Variants in NR2C2 observed in about 807,000 individuals in gnomAD.
The protein encoded by NR2C2 is Nuclear hormone receptor TR4.
NR2C2 carries 6 observed loss-of-function variants against 62.9 expected under a neutral mutation model. That is an observed-to-expected ratio of 0.10 (90% CI 0.05 to 0.19). The LOEUF (loss-of-function observed/expected upper bound fraction) is 0.19. Ranked by LOEUF, NR2C2 falls within the 10% of genes least tolerant of loss-of-function variation. The pLI is 1.00. For missense variants in NR2C2, 479 were observed against 762.7 expected, an observed-to-expected ratio of 0.63 and a Z score of 4.38; for synonymous variants, 272 against 273.8, an observed-to-expected ratio of 0.99 and a Z score of 0.07.
intron 1 of NR2C2, among the ~76,000 whole-genome samples, chr3:15,000,439 A>G (rs987732618): frequency 6.6e-6 from 1 of 152,190 alleles, no homozygotes; most frequent in African/African-American, 2.4e-5. Context: ...TTGGTTGATT[A>G]TGTAACTTGG....
intron 8 of NR2C2, 124 bp from the exon 9 acceptor site, chr3:15,030,151 C>G (rs1480319197): frequency 2.4e-6 from 2 of 834,122 alleles, no homozygotes; most frequent in African/African-American, 3.5e-5. Flanking sequence ...ATAGTGAAAC[C>G]CCATCTCTAC....
At chr3:15,034,328 C>T (rs950285346) in intron 10 of NR2C2, 1 of 182,554 alleles carries the variant, frequency 5.5e-6, no homozygotes, top group Non-Finnish European at 1.1e-5. Context: ...GGCTGCAGGA[C>T]CTAAGTAACT....
intron 4 of NR2C2, 63 bp from the exon 5 acceptor site, chr3:15,020,690 A>G (rs900979205): frequency 1.7e-5 from 26 of 1,565,900 alleles, no homozygotes; most frequent in Non-Finnish European, 2.1e-5. Context: ...CTGACAGATC[A>G]CCTCTTTGGT....
chr3:15,013,891 G>C (rs761228439), intron 3 of NR2C2, 102 bp downstream of exon 3: 32 of 1,241,716 alleles, frequency 2.6e-5, no homozygotes, highest in Middle Eastern at 1.9e-4. Context: ...TCCCTGGAAG[G>C]TTCCTTGGGG....
chr3:14,974,441 C>T (rs959327096), intron 1 of NR2C2, among the ~76,000 whole-genome samples: 2 of 152,120 alleles, frequency 1.3e-5, no homozygotes, highest in Non-Finnish European at 2.9e-5. Flanking sequence ...GGGGTTTTGA[C>T]AGGGATTACA....
intron 1 of NR2C2, among the ~76,000 whole-genome samples, chr3:14,957,849 C>T (rs1013088551): frequency 1.3e-5 from 2 of 151,942 alleles, no homozygotes; most frequent in Non-Finnish European, 2.9e-5. Context: ...ATTTTTCTGC[C>T]AAACTCCTGA....
chr3:14,988,864 A>T (rs2040584003), intron 1 of NR2C2, among the ~76,000 whole-genome samples: 1 of 152,162 alleles, frequency 6.6e-6, no homozygotes, highest in African/African-American at 2.4e-5. Flanking sequence ...ATGTTAGTGC[A>T]CATGCAAACT....
chr3:14,952,099 A>G (rs1426603791), intron 1 of NR2C2, among the ~76,000 whole-genome samples: 2 of 152,250 alleles, frequency 1.3e-5, no homozygotes, highest in Non-Finnish European at 2.9e-5. Context: ...AGGGCAGTGC[A>G]GTGACAGAGC....
chr3:14,981,552 G>A (rs1313806911), intron 1 of NR2C2, among the ~76,000 whole-genome samples: 2 of 145,474 alleles, frequency 1.4e-5, no homozygotes, highest in Non-Finnish European at 3.0e-5. Context: ...GCAGTTAGCC[G>A]AGATCCCGCC....
At chr3:14,961,427 C>T (rs1036053109) in intron 1 of NR2C2, among the ~76,000 whole-genome samples, 56 of 152,146 alleles carry the variant, frequency 3.7e-4, no homozygotes, top group Non-Finnish European at 2.9e-5. Context: ...TTCTATATTG[C>T]ACACTCAATA....
At chr3:14,951,665 G>A (rs1489549500) in intron 1 of NR2C2, among the ~76,000 whole-genome samples, 1 of 151,964 alleles carries the variant, frequency 6.6e-6, no homozygotes, top group Non-Finnish European at 1.5e-5. Flanking sequence ...TGACTTTTAA[G>A]TTTTGTTTCG....
chr3:14,949,828 A>G (rs903791537), intron 1 of NR2C2, among the ~76,000 whole-genome samples: 1 of 152,170 alleles, frequency 6.6e-6, no homozygotes, highest in Non-Finnish European at 1.5e-5. Context: ...GTTGAATATA[A>G]TTCTCTGTGT....
chr3:15,014,870 A>G (rs1040392135), intron 3 of NR2C2, among the ~76,000 whole-genome samples: 1 of 152,188 alleles, frequency 6.6e-6, no homozygotes, highest in South Asian at 2.1e-4. Flanking sequence ...GTTGGTGGAC[A>G]TGTAGGTTGC....
At chr3:15,004,917 C>T (rs1285851715) in intron 2 of NR2C2, among the ~76,000 whole-genome samples, 1 of 151,996 alleles carries the variant, frequency 6.6e-6, no homozygotes, top group Admixed American at 6.6e-5. Flanking sequence ...TGCTTGCTTT[C>T]TTTTTATTTA....
intron 3 of NR2C2, 131 bp from the exon 4 acceptor site, chr3:15,016,021 C>T (rs981258232): frequency 1.5e-5 from 10 of 645,294 alleles, no homozygotes; most frequent in Non-Finnish European, 2.2e-5. Flanking sequence ...AGGCTGGTCT[C>T]GAACTCCCGA....
intron 1 of NR2C2, among the ~76,000 whole-genome samples, chr3:15,001,780 C>G (rs750343218): frequency 6.6e-6 from 1 of 152,092 alleles, no homozygotes; most frequent in Non-Finnish European, 1.5e-5. Flanking sequence ...ACCACACACA[C>G]CTGATTTTTT....
intron 1 of NR2C2, among the ~76,000 whole-genome samples, chr3:14,969,032 T>TG (rs2039953005): frequency 6.8e-6 from 1 of 146,844 alleles, no homozygotes; most frequent in Non-Finnish European, 1.5e-5. Context: ...ATATACCTAA[T>TG]GCTAGATGAC....
rs528228019 is a variant in NR2C2, at chr3:15,018,201, A to G, written c.376+1947A>G. Among the ~76,000 whole-genome samples the G allele has an allele frequency of 2.0e-5, 3 of 152,162 alleles. No homozygotes were observed. In the East Asian group the frequency reaches 5.8e-4, roughly 29 times the overall value. ...TTTAGTAGAGACTGGGTTTCACCAT[A>G]TTGGCCAGGCTGGTCTCGAACTCCT... On this transcript the variant is annotated intron_variant, in intron 4 of 13. Transcript: ENST00000425241.
chr3:14,967,033 TTTACTTG>T (rs2125271571), intron 1 of NR2C2, among the ~76,000 whole-genome samples: 1 of 152,352 alleles, frequency 6.6e-6, no homozygotes, highest in South Asian at 2.1e-4. Context: ...TAATTCAGTC[TTTACTTG>T]TTACAGGTCT....
Sources: allele counts gnomAD v4.1 joint callset (sites outside exome capture counted in the v4.1 genomes callset), GRCh38; gene constraint gnomAD v4.1.1; transcripts MANE v1.5; gene names NCBI Gene and HGNC (gene_info 2026-07-23, HGNC 2026-07-21).